The following C6 variants were observed in gnomAD, a reference collection of about 807,000 sequenced individuals.
The protein encoded by C6 is complement component C6.
In C6, 101 loss-of-function variants were observed where a neutral mutation model predicts 112.9. The ratio of observed to expected loss-of-function variants is 0.89; its 90% CI spans 0.76 to 1.06. The LOEUF is 1.06. Among genes scored for constraint, C6 ranks in the 50% least tolerant of loss-of-function variants. C6 has a pLI of 0.00. For synonymous variants in C6, 431 were observed against 384.1 expected (o/e 1.12, Z -1.43); for missense variants, 1,202 against 1,104.6 (o/e 1.09, Z -1.25).
intron 1 of C6, among the ~76,000 whole-genome samples, chr5:41,227,231 T>C (rs1739570497): frequency 6.6e-6 from 1 of 152,154 alleles, no homozygotes. Flanking sequence ...TTTTTCAAAT[T>C]CCTGTTGGTC....
At chr5:41,161,990 T>G in intron 9 of C6, 131 bp from the exon 10 acceptor site, 1 of 848,458 alleles carries the variant, frequency 1.2e-6, no homozygotes. Context: ...TTAAGAAAGC[T>G]AAGTGAAAAA....
At chr5:41,213,192 T>G (rs1330124012) in intron 1 of C6, among the ~76,000 whole-genome samples, 184 bp downstream of exon 1, 1 of 152,172 alleles carries the variant, frequency 6.6e-6, no homozygotes, top group Non-Finnish European at 1.5e-5. Context: ...GGAATGACAT[T>G]TGTTTAAAAA....
chr5:41,175,143 A>G (rs1748730212), intron 8 of C6, among the ~76,000 whole-genome samples: 1 of 152,184 alleles, frequency 6.6e-6, no homozygotes. Context: ...TTGACTGAGC[A>G]TGCAGCTTTG....
At chr5:41,151,014 G>A (rs1022907188) in intron 15 of C6, among the ~76,000 whole-genome samples, 1 of 152,174 alleles carries the variant, frequency 6.6e-6, no homozygotes, top group Non-Finnish European at 1.5e-5. Flanking sequence ...GGTAGGCTGT[G>A]TGGGAGGCTA....
rs147738734 is a variant in C6, at chr5:41,181,236, C to T, written c.927+123G>A. The T allele has an allele frequency of 1.6e-3, 1,376 of 859,432 alleles. 17 individuals carry two copies. The African/African-American group carries it at 0.022, about 14-fold the overall frequency. 53.2% of individuals were successfully genotyped at this position (859,432 alleles called of 1,614,324 possible). A position where few individuals can be genotyped will look rare whatever the true frequency, so the allele number is the denominator to read the frequency against. On this transcript the variant is annotated intron_variant, in intron 7 of 17. Transcript: ENST00000337836. Reference sequence around the variant, plus strand: ...GATATAACAAAAAATGGAAAAATTACTTAAATCTGTATTAGAAGTCATACT... The same window carrying T: ...GATATAACAAAAAATGGAAAAATTATTTAAATCTGTATTAGAAGTCATACT...
At chr5:41,209,598 G>C (rs1005594216) in intron 1 of C6, among the ~76,000 whole-genome samples, 1 of 152,036 alleles carries the variant, frequency 6.6e-6, no homozygotes, top group African/African-American at 2.4e-5. Context: ...GCCAAATCAT[G>C]GTAAACTCCC....
chr5:41,190,041 G>T (rs1277795942), intron 5 of C6, among the ~76,000 whole-genome samples: 1 of 152,070 alleles, frequency 6.6e-6, no homozygotes, highest in Non-Finnish European at 1.5e-5. Flanking sequence ...TCCATATGTT[G>T]GTTATTGTGA....
intron 1 of C6, among the ~76,000 whole-genome samples, chr5:41,208,612 A>G (rs1751631252): frequency 6.6e-6 from 1 of 152,226 alleles, no homozygotes; most frequent in Non-Finnish European, 1.5e-5. Flanking sequence ...AATAAACTAG[A>G]AAATCTAGAA....
chr5:41,235,078 T>C (rs200692233), intron 1 of C6, among the ~76,000 whole-genome samples: 1 of 19,414 alleles, frequency 5.2e-5, no homozygotes, highest in Non-Finnish European at 1.8e-4. Context: ...TTTTTTAATG[T>C]TTTTTTTTTT....
intron 15 of C6, among the ~76,000 whole-genome samples, chr5:41,153,529 A>G (rs957838612): frequency 6.6e-6 from 1 of 152,224 alleles, no homozygotes. Context: ...TTTCCATGAG[A>G]TCGCTTTACT....
chr5:41,162,821 A>G (rs1218239546), intron 9 of C6, among the ~76,000 whole-genome samples: 1 of 152,214 alleles, frequency 6.6e-6, no homozygotes, highest in Non-Finnish European at 1.5e-5. Flanking sequence ...TGCATAACAC[A>G]ACACAGGTAT....
chr5:41,234,277 A>T (rs558711731), intron 1 of C6, among the ~76,000 whole-genome samples: 1 of 151,976 alleles, frequency 6.6e-6, no homozygotes, highest in Non-Finnish European at 1.5e-5. Context: ...ACTTTCCAAT[A>T]ATGTTCATGG....
At chr5:41,231,022 T>G (rs1739864611) in intron 1 of C6, among the ~76,000 whole-genome samples, 1 of 152,174 alleles carries the variant, frequency 6.6e-6, no homozygotes, top group Non-Finnish European at 1.5e-5. Flanking sequence ...TGCTCTCTTT[T>G]GTTTACTATT....
intron 1 of C6, among the ~76,000 whole-genome samples, chr5:41,254,120 G>A (rs1741529907): frequency 6.6e-6 from 1 of 152,104 alleles, no homozygotes; most frequent in Non-Finnish European, 1.5e-5. Context: ...GAATAGTTTT[G>A]GCCAGGCATG....
chr5:41,159,834 G>T (rs955787689), intron 11 of C6, among the ~76,000 whole-genome samples: 1 of 152,028 alleles, frequency 6.6e-6, no homozygotes. Context: ...TATGTTATGA[G>T]CATTGTATAT....
chr5:41,180,295 A>AC (rs1177249877), intron 7 of C6, among the ~76,000 whole-genome samples: 9 of 152,288 alleles, frequency 5.9e-5, no homozygotes, highest in African/African-American at 1.9e-4. Flanking sequence ...TCCATGATTC[A>AC]GGGCTCATTC....
chr5:41,163,848 T>G (rs762557788), intron 9 of C6, among the ~76,000 whole-genome samples: 1 of 152,162 alleles, frequency 6.6e-6, no homozygotes, highest in African/African-American at 2.4e-5. Context: ...GTCCAATGAT[T>G]TAACTGAAAT....
intron 11 of C6, among the ~76,000 whole-genome samples, chr5:41,159,883 A>G (rs1747307714): frequency 6.6e-6 from 1 of 152,132 alleles, no homozygotes; most frequent in Non-Finnish European, 1.5e-5. Context: ...ATATATTCAT[A>G]TTCCTTAGAT....
intron 5 of C6, among the ~76,000 whole-genome samples, chr5:41,188,264 T>C (rs374976545): frequency 6.6e-6 from 1 of 152,078 alleles, no homozygotes; most frequent in East Asian, 1.9e-4. Context: ...CTTTTTTTGG[T>C]AAAAATTCAC....
Sources: allele counts gnomAD v4.1 joint callset (sites outside exome capture counted in the v4.1 genomes callset), GRCh38; gene constraint gnomAD v4.1.1; transcripts MANE v1.5; gene names NCBI Gene and HGNC (gene_info 2026-07-23, HGNC 2026-07-21).